Variants in TEX101 observed in about 807,000 individuals in gnomAD.
The protein encoded by TEX101 is testis expressed 101, also known as testis-expressed protein 101.
TEX101 carries 10 observed loss-of-function variants against 18.1 expected under a neutral mutation model. That is an observed-to-expected ratio of 0.55 (90% CI 0.34 to 0.94). TEX101 has a LOEUF of 0.94. Ranked by LOEUF, TEX101 falls within the 40% of genes least tolerant of loss-of-function variation. The pLI is 0.02. For synonymous variants in TEX101, 94 were observed against 114.8 expected, an observed-to-expected ratio of 0.82 and a Z score of 1.16; for missense variants, 259 against 298.9, an observed-to-expected ratio of 0.87 and a Z score of 0.98.
chr19:43,406,935 T>G (rs894656985), intron 3 of TEX101, among the ~76,000 whole-genome samples: 13 of 110,116 alleles, frequency 1.2e-4, no homozygotes, highest in African/African-American at 1.8e-4. Context: ...TTTTTTGTTT[T>G]TTTTTTTTTT....
upstream of TEX101, among the ~76,000 whole-genome samples, chr19:43,414,174 G>A (rs1970445816): frequency 6.6e-6 from 1 of 151,228 alleles, no homozygotes; most frequent in African/African-American, 2.4e-5. Flanking sequence ...GGAAGGGAAG[G>A]TTACATAGAT....
At chr19:43,408,645 C>G (rs1970392335) in intron 3 of TEX101, among the ~76,000 whole-genome samples, 1 of 152,092 alleles carries the variant, frequency 6.6e-6, no homozygotes, top group African/African-American at 2.4e-5. Flanking sequence ...CCAGAAGGGC[C>G]TGCACCAGAG....
At position 43,415,648 on chromosome 19, in the gene TEX101, G is replaced by A. The variant is rs776361731; in HGVS notation, c.-39-233G>A. Among the ~76,000 whole-genome samples the A allele has an allele frequency of 2.0e-5, 3 of 151,782 alleles. No homozygotes were observed. In the South Asian group the frequency reaches 6.3e-4, roughly 32 times the overall value. Reference sequence around the variant, plus strand: ...TGTGGTGGCGGGCACCTGTAATCCCGGCTACTCGGGAGGCTGAGGCAGGAG... The same window carrying A: ...TGTGGTGGCGGGCACCTGTAATCCCAGCTACTCGGGAGGCTGAGGCAGGAG... On this transcript the variant is annotated intron_variant, in intron 1 of 5. Coordinates refer to ENST00000598265, the MANE Select transcript of TEX101 (RefSeq NM_001130011.3).
At chr19:43,417,384 A>T (rs1268275545) in intron 4 of TEX101, among the ~76,000 whole-genome samples, 1 of 152,164 alleles carries the variant, frequency 6.6e-6, no homozygotes, top group African/African-American at 2.4e-5. Context: ...ACTTCTCACA[A>T]TTCCCTGAAT....
chr19:43,406,411 G>A, exon 3 of TEX101: 1 of 731,640 alleles, frequency 1.4e-6, no homozygotes, highest in South Asian at 1.5e-5. Context: ...CGGAACCTGC[G>A]GGAGAGAAGA....
At chr19:43,392,924 G>A in the TEX101 span, among the ~76,000 whole-genome samples, 1 of 152,084 alleles carries the variant, frequency 6.6e-6, no homozygotes, top group Non-Finnish European at 1.5e-5. Context: ...CGGATGTGGT[G>A]GCACACACCT....
At chr19:43,417,857 G>A (rs761225795) in intron 4 of TEX101, 21 bp from the exon 5 acceptor site, 17 of 1,613,680 alleles carry the variant, frequency 1.1e-5, no homozygotes, top group Non-Finnish European at 1.4e-5. Flanking sequence ...GCCCTTAACT[G>A]TCTCTCTCAT....
the TEX101 span, among the ~76,000 whole-genome samples, chr19:43,390,719 G>C: frequency 1.3e-5 from 2 of 151,292 alleles, no homozygotes; most frequent in South Asian, 2.1e-4. Flanking sequence ...TGCCTGCCTC[G>C]ACCTCCCAAA....
At chr19:43,413,099 G>A (rs966566308), upstream of TEX101, among the ~76,000 whole-genome samples, 7 of 152,276 alleles carry the variant, frequency 4.6e-5, no homozygotes, top group South Asian at 4.1e-4. Flanking sequence ...AAAAAGCATT[G>A]CAAAACTTTC....
upstream of TEX101, among the ~76,000 whole-genome samples, chr19:43,398,920 C>T (rs890484425): frequency 1.3e-5 from 2 of 152,186 alleles, no homozygotes; most frequent in African/African-American, 4.8e-5. Context: ...CCATAAAACT[C>T]ACCAAATCCC....
At chr19:43,416,665 A>C in intron 4 of TEX101, 110 bp downstream of exon 4, 1 of 990,594 alleles carries the variant, frequency 1.0e-6, no homozygotes, top group Non-Finnish European at 1.5e-6. Context: ...CATACCCCAA[A>C]GTACCTCACA....
chr19:43,389,392 G>T, the TEX101 span, among the ~76,000 whole-genome samples: 2 of 152,192 alleles, frequency 1.3e-5, no homozygotes, highest in Non-Finnish European at 2.9e-5. Context: ...TTTTGTTTTT[G>T]TTTTAATTTT....
the TEX101 span, among the ~76,000 whole-genome samples, chr19:43,393,821 G>T: frequency 1.3e-5 from 2 of 150,842 alleles, no homozygotes; most frequent in Non-Finnish European, 3.0e-5. Context: ...AACCCAGGTG[G>T]TCTGGCTCCA....
the TEX101 span, among the ~76,000 whole-genome samples, chr19:43,395,594 C>T: frequency 1.3e-5 from 2 of 152,214 alleles, no homozygotes; most frequent in African/African-American, 4.8e-5. Context: ...CCCATCCATG[C>T]TCTCAAGGAC....
chr19:43,405,549 CAAAAAAAAAAAAAA>C (rs1163062557), intron 2 of TEX101, among the ~76,000 whole-genome samples: 4 of 38,492 alleles, frequency 1.0e-4, no homozygotes, highest in East Asian at 1.3e-3. Flanking sequence ...AACTCTGTCT[CAAAAAAAAAAAAAA>C]AAAAAAAAAA....
chr19:43,395,335 C>G, the TEX101 span, among the ~76,000 whole-genome samples: 1 of 152,204 alleles, frequency 6.6e-6, no homozygotes, highest in Non-Finnish European at 1.5e-5. Context: ...GCCTTAAGCT[C>G]AAAATAATCC....
chr19:43,391,717 C>G, the TEX101 span, among the ~76,000 whole-genome samples: 1 of 152,162 alleles, frequency 6.6e-6, no homozygotes, highest in Non-Finnish European at 1.5e-5. Flanking sequence ...GATCATGGCT[C>G]ATGACCCAGT....
the TEX101 span, among the ~76,000 whole-genome samples, chr19:43,392,314 G>A: frequency 6.6e-6 from 1 of 152,104 alleles, no homozygotes; most frequent in South Asian, 2.1e-4. Context: ...ACTAGGGTGA[G>A]ACAAGAGAGG....
At chr19:43,389,564 G>A in the TEX101 span, among the ~76,000 whole-genome samples, 4 of 151,992 alleles carry the variant, frequency 2.6e-5, no homozygotes, top group Non-Finnish European at 5.9e-5. Flanking sequence ...TGGCCTCCAA[G>A]CTGGCTTCAT....
Sources: gnomAD v4.1 joint callset for allele counts (sites outside exome capture counted in the v4.1 genomes callset) on GRCh38, gnomAD v4.1.1 for gene constraint, MANE v1.5 for transcripts, NCBI Gene and HGNC (gene_info 2026-07-23, HGNC 2026-07-21) for gene names.